Variants in MIPEP observed in about 807,000 individuals in gnomAD.
MIPEP encodes mitochondrial intermediate peptidase.
Under a neutral mutation model 90.3 loss-of-function variants are expected in MIPEP, and 79 were observed. That is an observed-to-expected ratio of 0.87 (90% confidence interval 0.73 to 1.05). MIPEP has a LOEUF of 1.05. Ranked by LOEUF, MIPEP falls within the 50% of genes least tolerant of loss-of-function variation. MIPEP has a pLI of 0.00. For synonymous variants in MIPEP, 334 were observed against 315.8 expected, an observed-to-expected ratio of 1.06 and a Z score of -0.61; for missense variants, 940 against 905.6, an observed-to-expected ratio of 1.04 and a Z score of -0.49.
Position 23,760,127 on chromosome 13 carries a change from T to G in MIPEP, c.1939A>C (p.Lys647Gln). The G allele has an allele frequency of 1.2e-6, 2 of 1,614,066 alleles. No homozygotes were observed. The highest frequency in any genetic ancestry group is 8.5e-7 in the Non-Finnish European group (1 of 1,180,008). ...MSRAVASMVW[K>Q]ECFLQDPFNR... Reference sequence around the variant, plus strand: ...AAAGGATCCTGTAGAAAACACTCCTTCCAAACCATGGAGGCGACCGCTCTG... The same window carrying G: ...AAAGGATCCTGTAGAAAACACTCCTGCCAAACCATGGAGGCGACCGCTCTG... Residue 647 changes from lysine to glutamine, a missense_variant, in exon 17 of 19, where the codon AAG (lysine) becomes CAG (glutamine). Physicochemically the swap from Lys to Gln is moderately conservative, Grantham distance 53. Coordinates refer to ENST00000382172, the MANE Select transcript of MIPEP (RefSeq NM_005932.4).
At position 23,771,530 on chromosome 13, in the gene MIPEP, TACACACAC is replaced by T. The variant is rs3077653; in HGVS notation, c.1849-11321_1849-11314del. 4.1e-3 allele frequency among the ~76,000 whole-genome samples: 601 copies of T among 145,968 alleles called. 3 individuals are homozygous for T. The highest frequency in any genetic ancestry group is 0.025 in the South Asian group (108 of 4,334). Reference sequence around the variant, plus strand: ...GGTAACATGTAACTAATTTGCTGACTACACACACACACACACACACACACACACACACA... The same window carrying T: ...GGTAACATGTAACTAATTTGCTGACTACACACACACACACACACACACACA... On this transcript the variant is annotated intron_variant, in intron 16 of 18. Coordinates refer to ENST00000382172, the MANE Select transcript of MIPEP (RefSeq NM_005932.4).
intron 16 of MIPEP, among the ~76,000 whole-genome samples, chr13:23,763,726 C>A (rs944564877): frequency 6.6e-6 from 1 of 152,214 alleles, no homozygotes; most frequent in Non-Finnish European, 1.5e-5. Context: ...TCTGCCTTAT[C>A]CTGATCCCCC....
chr13:23,828,904 CTTA>C (rs1868602302), intron 14 of MIPEP, among the ~76,000 whole-genome samples: 2 of 151,934 alleles, frequency 1.3e-5, no homozygotes, highest in South Asian at 4.1e-4. Flanking sequence ...GATATCAAGG[CTTA>C]TTATTACTTA....
rs190859217 is a variant in MIPEP at position 23,800,603 on chromosome 13, A to C, written c.1848+5347T>G. ...GTACAAATTAGCCTATATTTTATAC[A>C]GAGTGACTCAGCATGCACACAAATA... On this transcript the variant is annotated intron_variant, in intron 16 of 18. Transcript: ENST00000382172. 2.4e-4 allele frequency among the ~76,000 whole-genome samples: 37 copies of C among 152,360 alleles called. 1 individual carries two copies. In the East Asian group the frequency reaches 5.2e-3, roughly 21 times the overall value.
At chr13:23,751,309 A>G (rs982158179) in intron 18 of MIPEP, among the ~76,000 whole-genome samples, 2 of 152,262 alleles carry the variant, frequency 1.3e-5, no homozygotes, top group Non-Finnish European at 2.9e-5. Context: ...AAAGCTCTAC[A>G]GAAACGTAAG....
intron 5 of MIPEP, 120 bp from the exon 6 acceptor site, chr13:23,870,315 A>C (rs905966326): frequency 2.1e-6 from 1 of 468,476 alleles, no homozygotes; most frequent in Non-Finnish European, 3.4e-6. Context: ...CACTTAATAA[A>C]ATATTAGTTT....
At chr13:23,857,178 T>G (rs1266673594) in intron 10 of MIPEP, among the ~76,000 whole-genome samples, 1 of 152,158 alleles carries the variant, frequency 6.6e-6, no homozygotes, top group African/African-American at 2.4e-5. Context: ...TTTTATTTTT[T>G]AATGCAACTA....
chr13:23,774,784 C>CTTTTTTTTTTTTTTTTTTTT (rs67628137), intron 16 of MIPEP, among the ~76,000 whole-genome samples: 1 of 68,250 alleles, frequency 1.5e-5, no homozygotes, highest in Non-Finnish European at 2.5e-5. Context: ...TTTATCAGTT[C>CTTTTTTTTTTTTTTTTTTTT]TTTTTTTTTT....
At chr13:23,803,224 G>C (rs947783198) in intron 16 of MIPEP, among the ~76,000 whole-genome samples, 13 of 151,920 alleles carry the variant, frequency 8.6e-5, no homozygotes, top group African/African-American at 3.1e-4. Context: ...TTAGCCAGGA[G>C]TGGTGGCGCA....
chr13:23,814,101 G>C (rs4770498), intron 14 of MIPEP, among the ~76,000 whole-genome samples: 1 of 152,232 alleles, frequency 6.6e-6, no homozygotes, highest in Non-Finnish European at 1.5e-5. Flanking sequence ...AATTTTCACC[G>C]TATTATCAGC....
At chr13:23,889,042 C>T in intron 1 of MIPEP, 90 bp downstream of exon 1, 1 of 1,214,936 alleles carries the variant, frequency 8.2e-7, no homozygotes, top group Non-Finnish European at 1.1e-6. Flanking sequence ...CTCCCAGGCC[C>T]AAACAATCTC....
At chr13:23,755,252 C>T (rs1008412520) in intron 18 of MIPEP, among the ~76,000 whole-genome samples, 3 of 152,230 alleles carry the variant, frequency 2.0e-5, no homozygotes, top group African/African-American at 7.2e-5. Flanking sequence ...TTTGTCTAAG[C>T]GTCTTTCACT....
chr13:23,864,510 T>C (rs1369919671), intron 7 of MIPEP, among the ~76,000 whole-genome samples: 1 of 151,244 alleles, frequency 6.6e-6, no homozygotes, highest in Non-Finnish European at 1.5e-5. Context: ...GGGCAGGGGG[T>C]GGATCACCTG....
At chr13:23,827,888 ACC>A (rs1167164199) in intron 14 of MIPEP, among the ~76,000 whole-genome samples, 1 of 152,168 alleles carries the variant, frequency 6.6e-6, no homozygotes, top group Non-Finnish European at 1.5e-5. Flanking sequence ...CAGAGACTGC[ACC>A]ACTGCACTCC....
At chr13:23,846,715 A>C (rs1011795296) in intron 10 of MIPEP, among the ~76,000 whole-genome samples, 2 of 152,174 alleles carry the variant, frequency 1.3e-5, no homozygotes, top group East Asian at 3.9e-4. Flanking sequence ...TTGGCACTCA[A>C]AAAGTTTTGG....
At position 23,739,177 on chromosome 13, in the gene MIPEP, T is replaced by A. The variant is rs114731952; in HGVS notation, c.2045-8732A>T. On this transcript the variant is annotated intron_variant, in intron 18 of 18. Transcript: ENST00000382172. ...TCAAAGTTATTGAGTACCAGCTAGCTGGAAAAGCACCTACAATGATCTAGT... is the reference window on the plus strand; with the variant it reads ...TCAAAGTTATTGAGTACCAGCTAGCAGGAAAAGCACCTACAATGATCTAGT... 2.1e-3 allele frequency among the ~76,000 whole-genome samples: 319 copies of A among 152,318 alleles called. 2 individuals are homozygous for A. Among genetic ancestry groups the A allele is most frequent in the African/African-American group, 7.1e-3 (296 of 41,578 alleles).
chr13:23,735,041 C>T (rs1952246175), intron 18 of MIPEP, among the ~76,000 whole-genome samples: 1 of 152,194 alleles, frequency 6.6e-6, no homozygotes, highest in Admixed American at 6.5e-5. Context: ...TTCCTGGATA[C>T]ATGGACACCC....
intron 2 of MIPEP, among the ~76,000 whole-genome samples, chr13:23,882,591 G>A (rs1468061219): frequency 3.3e-5 from 5 of 152,078 alleles, no homozygotes; most frequent in African/African-American, 7.2e-5. Context: ...AAGATAAAAT[G>A]ATGTAAAACT....
At chr13:23,810,935 A>G (rs1318461944) in intron 14 of MIPEP, among the ~76,000 whole-genome samples, 1 of 152,226 alleles carries the variant, frequency 6.6e-6, no homozygotes, top group Non-Finnish European at 1.5e-5. Context: ...ATTTGGCAGC[A>G]AGAGAAGTAA....
Sources: allele counts gnomAD v4.1 joint callset (sites outside exome capture counted in the v4.1 genomes callset), GRCh38; gene constraint gnomAD v4.1.1; transcripts MANE v1.5; gene names NCBI Gene and HGNC (gene_info 2026-07-23, HGNC 2026-07-21).